The following PDLIM5 variants were observed in gnomAD, a reference collection of about 807,000 sequenced individuals.
The protein encoded by PDLIM5 is PDZ and LIM domain protein 5.
In PDLIM5, 34 loss-of-function variants were observed where a neutral mutation model predicts 64.2. That is an observed-to-expected ratio of 0.53 (90% confidence interval 0.40 to 0.71). The LOEUF is 0.71. PDLIM5 is among the 30% of genes least tolerant of loss of function. The pLI is 0.00. For missense variants in PDLIM5, 683 were observed against 733.6 expected, an observed-to-expected ratio of 0.93 and a Z score of 0.80; for synonymous variants, 253 against 269.1, an observed-to-expected ratio of 0.94 and a Z score of 0.59.
intron 5 of PDLIM5, among the ~76,000 whole-genome samples, chr4:94,577,581 C>CTTTTTTTTTTTT (rs11349007): frequency 1.9e-5 from 2 of 106,844 alleles, no homozygotes; most frequent in African/African-American, 3.5e-5. Flanking sequence ...TGGTCGTAAT[C>CTTTTTTTTTTTT]TTTTTTTTTT....
intron 3 of PDLIM5, among the ~76,000 whole-genome samples, chr4:94,557,452 G>T (rs113587193): frequency 2.0e-5 from 3 of 152,004 alleles, no homozygotes; most frequent in African/African-American, 7.3e-5. Context: ...GAAAGTCAGT[G>T]GTAGTTGGAT....
At chr4:94,493,563 A>AT (rs1307528423) in intron 2 of PDLIM5, among the ~76,000 whole-genome samples, 1 of 152,154 alleles carries the variant, frequency 6.6e-6, no homozygotes. Context: ...CTGAATAATA[A>AT]TTTCTTGAAT....
intron 2 of PDLIM5, among the ~76,000 whole-genome samples, chr4:94,510,075 G>T (rs2110102155): frequency 6.6e-6 from 1 of 152,312 alleles, no homozygotes; most frequent in Non-Finnish European, 1.5e-5. Context: ...TATAGTAAAT[G>T]AATAAATGCA....
intron 2 of PDLIM5, among the ~76,000 whole-genome samples, chr4:94,511,935 A>G (rs1243476207): frequency 1.2e-4 from 18 of 152,246 alleles, no homozygotes; most frequent in Admixed American, 3.9e-4. Context: ...TGCAACAAAC[A>G]TGAAAGTGTA....
chr4:94,630,971 C>G (rs1162791467), intron 8 of PDLIM5, among the ~76,000 whole-genome samples: 1 of 151,934 alleles, frequency 6.6e-6, no homozygotes, highest in Non-Finnish European at 1.5e-5. Context: ...GCAGTGATGT[C>G]ATCACAGCCC....
chr4:94,567,632 G>A (rs941959587), intron 3 of PDLIM5, among the ~76,000 whole-genome samples: 1 of 151,894 alleles, frequency 6.6e-6, no homozygotes, highest in African/African-American at 2.4e-5. Flanking sequence ...GCATAAAAAT[G>A]CAGGGTGCAT....
chr4:94,620,298 G>A (rs1435711706), intron 8 of PDLIM5, among the ~76,000 whole-genome samples: 1 of 152,142 alleles, frequency 6.6e-6, no homozygotes, highest in Non-Finnish European at 1.5e-5. Context: ...GCTGAGTGCG[G>A]TGGCTCCTGA....
At chr4:94,588,951 T>C (rs1736462370) in intron 7 of PDLIM5, among the ~76,000 whole-genome samples, 1 of 152,222 alleles carries the variant, frequency 6.6e-6, no homozygotes, top group African/African-American at 2.4e-5. Context: ...ATATAAGACA[T>C]CTTTCTTTTG....
At chr4:94,589,897 C>A (rs527370750) in intron 7 of PDLIM5, among the ~76,000 whole-genome samples, 1 of 149,654 alleles carries the variant, frequency 6.7e-6, no homozygotes, top group Non-Finnish European at 1.5e-5. Context: ...GCCTCAGCCT[C>A]CTGAGTAGCT....
intron 3 of PDLIM5, among the ~76,000 whole-genome samples, chr4:94,540,467 AT>A (rs1487330720): frequency 6.6e-6 from 1 of 152,160 alleles, no homozygotes; most frequent in Non-Finnish European, 1.5e-5. Context: ...TGCCTAAATA[AT>A]TTGTCTAACG....
At chr4:94,646,205 A>G (rs1375126855) in intron 9 of PDLIM5, among the ~76,000 whole-genome samples, 1 of 152,214 alleles carries the variant, frequency 6.6e-6, no homozygotes, top group African/African-American at 2.4e-5. Context: ...CTGAAATCCC[A>G]AATTCCAGTA....
chr4:94,538,223 T>C (rs1731481533), intron 3 of PDLIM5, among the ~76,000 whole-genome samples: 5 of 152,248 alleles, frequency 3.3e-5, no homozygotes, highest in Admixed American at 2.0e-4. Flanking sequence ...CTAATTAAAG[T>C]AGCTTTAATA....
At chr4:94,487,462 GAT>G (rs1443008905) in intron 2 of PDLIM5, among the ~76,000 whole-genome samples, 2 of 152,198 alleles carry the variant, frequency 1.3e-5, no homozygotes, top group Non-Finnish European at 2.9e-5. Flanking sequence ...CTGGCATCCA[GAT>G]ATGTTCTTCA....
chr4:94,634,564 G>T (rs1489619198), intron 8 of PDLIM5, among the ~76,000 whole-genome samples: 2 of 152,182 alleles, frequency 1.3e-5, no homozygotes, highest in Non-Finnish European at 2.9e-5. Flanking sequence ...TTCGCATAGT[G>T]TATGTCGGTA....
At chr4:94,618,361 A>G (rs1464304260) in intron 8 of PDLIM5, among the ~76,000 whole-genome samples, 170 bp downstream of exon 8, 1 of 152,250 alleles carries the variant, frequency 6.6e-6, no homozygotes, top group Admixed American at 6.5e-5. Context: ...GAGACATCTC[A>G]TAAACATTCT....
intron 2 of PDLIM5, among the ~76,000 whole-genome samples, chr4:94,491,926 C>T (rs1418114895): frequency 6.6e-6 from 1 of 151,666 alleles, no homozygotes; most frequent in East Asian, 1.9e-4. Flanking sequence ...GTTTATTCTC[C>T]TAGTTTTTTC....
At chr4:94,467,322 T>G (rs1221747386) in intron 2 of PDLIM5, among the ~76,000 whole-genome samples, 1 of 151,820 alleles carries the variant, frequency 6.6e-6, no homozygotes, top group African/African-American at 2.4e-5. Flanking sequence ...AAGTTTTTTT[T>G]TTTTTTTTTT....
chr4:94,490,224 A>G (rs1343888336), intron 2 of PDLIM5, among the ~76,000 whole-genome samples: 1 of 152,008 alleles, frequency 6.6e-6, no homozygotes. Flanking sequence ...TTTGTCAACA[A>G]TGACTAAAAT....
chr4:94,618,832 C>T (rs1330693694), intron 8 of PDLIM5, among the ~76,000 whole-genome samples: 1 of 152,168 alleles, frequency 6.6e-6, no homozygotes, highest in Non-Finnish European at 1.5e-5. Flanking sequence ...TTTCTCCCAA[C>T]ATGAACAAAG....
Sources: gnomAD v4.1 joint callset for allele counts (sites outside exome capture counted in the v4.1 genomes callset) on GRCh38, gnomAD v4.1.1 for gene constraint, MANE v1.5 for transcripts, NCBI Gene and HGNC (gene_info 2026-07-23, HGNC 2026-07-21) for gene names.